The following PRSS38 variants were observed in gnomAD, a reference collection of about 807,000 sequenced individuals.
The protein encoded by PRSS38 is serine protease 38, also known as marapsin 2.
PRSS38 carries 22 observed loss-of-function variants against 26.8 expected under a neutral mutation model. The observed-to-expected ratio is 0.82, with a 90% CI of 0.59 to 1.17. The LOEUF is 1.17. Ranked by LOEUF, PRSS38 falls within the 50% of genes most tolerant of loss-of-function variation. PRSS38 has a pLI of 0.00. For missense variants in PRSS38, 427 were observed against 422.7 expected (o/e 1.01, Z -0.09); for synonymous variants, 175 against 172.1 (o/e 1.02, Z -0.13).
At chr1:227,822,749 G>C (rs1341061560) in intron 3 of PRSS38, among the ~76,000 whole-genome samples, 1 of 152,174 alleles carries the variant, frequency 6.6e-6, no homozygotes, top group African/African-American at 2.4e-5. Context: ...TCTGTGCCAA[G>C]GCACTTTTTC....
rs780203983 is a variant in PRSS38 at position 227,844,433 on chromosome 1, C to T, written c.584-1037C>T. 2.1e-4 allele frequency among the ~76,000 whole-genome samples: 31 copies of T among 147,574 alleles called. No individual in the cohort carries two copies. In the South Asian group the frequency reaches 2.2e-3, roughly 10 times the overall value. Reference sequence around the variant, plus strand: ...AGTGGTCAGGGTTCCTCTCTATGTGCGGTGAGACTCCTCCCTATGTGTAGT... The same window carrying T: ...AGTGGTCAGGGTTCCTCTCTATGTGTGGTGAGACTCCTCCCTATGTGTAGT... On this transcript the variant is annotated intron_variant, in intron 3 of 4. Coordinates refer to ENST00000366757, the Ensembl canonical transcript of PRSS38.
At chr1:227,827,643 C>T (rs373587982) in intron 3 of PRSS38, among the ~76,000 whole-genome samples, 1 of 131,890 alleles carries the variant, frequency 7.6e-6, no homozygotes, top group African/African-American at 2.6e-5. Context: ...AGAAAACCAG[C>T]TTCTGAATTC....
At chr1:227,840,171 G>C (rs1558237538) in intron 3 of PRSS38, among the ~76,000 whole-genome samples, 1 of 152,106 alleles carries the variant, frequency 6.6e-6, no homozygotes, top group Non-Finnish European at 1.5e-5. Flanking sequence ...TCTTAGGCTA[G>C]AGTGCAGTGC....
intron 3 of PRSS38, among the ~76,000 whole-genome samples, chr1:227,829,302 T>A (rs569579710): frequency 6.6e-6 from 1 of 152,282 alleles, no homozygotes; most frequent in South Asian, 2.1e-4. Context: ...ATTTCTGTTG[T>A]TTTTTGACTT....
At chr1:227,834,878 A>G (rs992690585) in intron 3 of PRSS38, among the ~76,000 whole-genome samples, 1 of 152,180 alleles carries the variant, frequency 6.6e-6, no homozygotes, top group Non-Finnish European at 1.5e-5. Context: ...AAACTTTTGT[A>G]TATCAAAGAC....
intron 3 of PRSS38, among the ~76,000 whole-genome samples, chr1:227,839,086 C>T (rs1665278717): frequency 6.6e-6 from 1 of 152,306 alleles, no homozygotes; most frequent in Admixed American, 6.5e-5. Context: ...AAATGTTTTG[C>T]ATTTTTATGC....
intron 2 of PRSS38, among the ~76,000 whole-genome samples, 190 bp from the exon 3 acceptor site, chr1:227,817,017 CCA>C (rs1664929774): frequency 6.6e-6 from 1 of 152,212 alleles, no homozygotes; most frequent in Non-Finnish European, 1.5e-5. Flanking sequence ...CCCAGAGCCT[CCA>C]TGGGCCAAGT....
intron 3 of PRSS38, among the ~76,000 whole-genome samples, chr1:227,835,520 T>C (rs1006696795): frequency 3.9e-5 from 6 of 152,216 alleles, no homozygotes; most frequent in African/African-American, 1.4e-4. Flanking sequence ...CATGTACATG[T>C]GTGTTCATAG....
In PRSS38 at chr1:227,816,018, C is replaced by T. The variant is rs1664906961; in HGVS notation, c.149-72C>T. On this transcript the variant is annotated intron_variant, in intron 1 of 4. Coordinates refer to ENST00000366757, the Ensembl canonical transcript of PRSS38. The surrounding 1 kb of genome is among the most constrained non-coding windows in gnomAD (Gnocchi z 5.1). The stretch of plus-strand genomic sequence containing the variant: ...CCTCCTGTGTCCCCTGCCCCTCCCC[C>T]ACGTCCCCTGCCTGCCCTACCTCTC... 1 of 1,547,020 alleles carries T rather than the reference C, an allele frequency of 6.5e-7. No homozygotes were observed. Among genetic ancestry groups the T allele is most frequent in the Non-Finnish European group, 8.8e-7 (1 of 1,135,862 alleles).
At chr1:227,830,000 A>G (rs1310702963) in intron 3 of PRSS38, among the ~76,000 whole-genome samples, 1 of 152,178 alleles carries the variant, frequency 6.6e-6, no homozygotes, top group Non-Finnish European at 1.5e-5. Flanking sequence ...TTTGTTGAGT[A>G]TCTTTGTTAT....
rs777980431 is a variant in PRSS38 at position 227,844,877 on chromosome 1, TG to T, written c.584-589del. ...GGTCAGGACTCCTCCCTATGTGGGG[TG>T]GGGCTCCTCCCTATGTACGGTCAGG... On this transcript the variant is annotated intron_variant, in intron 3 of 4. Transcript: ENST00000366757. Among the ~76,000 whole-genome samples the T allele has an allele frequency of 4.9e-5, 7 of 143,004 alleles. No individual in the cohort carries two copies. The South Asian group carries it at 9.3e-4, about 19-fold the overall frequency. The allele number at this position is 143,004 out of a possible 152,430, so 93.8% of individuals were successfully genotyped here.
intron 3 of PRSS38, among the ~76,000 whole-genome samples, chr1:227,818,684 A>AAAC (rs1664957693): frequency 6.6e-6 from 1 of 151,532 alleles, no homozygotes; most frequent in South Asian, 2.1e-4. Flanking sequence ...TCAAAAAAAA[A>AAAC]AAAAAAAAAA....
chr1:227,834,617 C>T (rs966226893), intron 3 of PRSS38, among the ~76,000 whole-genome samples: 15 of 151,872 alleles, frequency 9.9e-5, no homozygotes, highest in South Asian at 4.2e-4. Context: ...TGCAGTGAGC[C>T]GAGATTGCAC....
intron 3 of PRSS38, among the ~76,000 whole-genome samples, chr1:227,820,425 A>G (rs1276937596): frequency 1.3e-5 from 2 of 152,114 alleles, no homozygotes; most frequent in Non-Finnish European, 2.9e-5. Context: ...ATTGAATATG[A>G]TGTTAGCTGT....
At chr1:227,828,179 G>A (rs1665101917) in intron 3 of PRSS38, among the ~76,000 whole-genome samples, 1 of 152,172 alleles carries the variant, frequency 6.6e-6, no homozygotes, top group African/African-American at 2.4e-5. Flanking sequence ...TTTTGGAGTG[G>A]AGAGTTCTGT....
At chr1:227,820,842 T>C (rs1211200942) in intron 3 of PRSS38, among the ~76,000 whole-genome samples, 2 of 152,228 alleles carry the variant, frequency 1.3e-5, no homozygotes, top group African/African-American at 2.4e-5. Context: ...TGAAGCCATC[T>C]GGTCCTGTAC....
At chr1:227,836,414 G>A (rs1665239306) in intron 3 of PRSS38, among the ~76,000 whole-genome samples, 1 of 3,854 alleles carries the variant, frequency 2.6e-4, no homozygotes, top group Non-Finnish European at 1.1e-3. Context: ...CCGGCCGGGC[G>A]CGGTGGCTCA....
chr1:227,819,304 T>G (rs1298422207), intron 3 of PRSS38, among the ~76,000 whole-genome samples: 1 of 152,220 alleles, frequency 6.6e-6, no homozygotes, highest in African/African-American at 2.4e-5. Context: ...CTTTTCTAAT[T>G]TTTTGAGCTG....
exon 4 of PRSS38, chr1:227,845,572 T>C (rs745326413): frequency 6.2e-7 from 1 of 1,613,818 alleles, no homozygotes; most frequent in Non-Finnish European, 8.5e-7. Flanking sequence ...CCCGACATGC[T>C]GTGTGCTGGG....
Sources: allele counts gnomAD v4.1 joint callset (sites outside exome capture counted in the v4.1 genomes callset), GRCh38; gene constraint gnomAD v4.1.1; non-coding constraint Gnocchi (gnomAD v3.1); transcripts MANE v1.5; gene names NCBI Gene and HGNC (gene_info 2026-07-23, HGNC 2026-07-21).